RAP1GAP: variants seen among roughly 807,000 people sequenced by gnomAD.
RAP1GAP encodes the protein rap1 GTPase-activating protein 1.
Under a neutral mutation model 87.2 loss-of-function variants are expected in RAP1GAP, and 35 were observed. That is an observed-to-expected ratio of 0.40 (90% CI 0.31 to 0.53). The LOEUF is 0.53. Among genes scored for constraint, RAP1GAP ranks in the 20% least tolerant of loss-of-function variants. The pLI, the probability that RAP1GAP is intolerant of heterozygous loss-of-function variation, is 0.48. For synonymous variants in RAP1GAP, 375 were observed against 363.9 expected, an observed-to-expected ratio of 1.03 and a Z score of -0.35; for missense variants, 734 against 898.9, an observed-to-expected ratio of 0.82 and a Z score of 2.35.
chr1:21,600,487 C>T (rs1222349227), intron 20 of RAP1GAP, among the ~76,000 whole-genome samples: 2 of 152,198 alleles, frequency 1.3e-5, no homozygotes, highest in Non-Finnish European at 2.9e-5. Flanking sequence ...TGCTTCCATC[C>T]CACCCCACTC....
rs189390716 is a variant in RAP1GAP, at chr1:21,646,200, T to C, written c.-113+3561A>G. Reference sequence around the variant, plus strand: ...GTGCTCCATATATGGGAGAGACTGGTACCAATTCTGTCAAGAGGAAACATC... The same window carrying C: ...GTGCTCCATATATGGGAGAGACTGGCACCAATTCTGTCAAGAGGAAACATC... On this transcript the variant is annotated intron_variant, in intron 2 of 24. Transcript: ENST00000374765. Among the ~76,000 whole-genome samples, 12 of 152,312 alleles carry C rather than the reference T, an allele frequency of 7.9e-5. No individual in the cohort carries two copies. In the East Asian group the frequency reaches 1.9e-3, roughly 24 times the overall value.
intron 1 of RAP1GAP, among the ~76,000 whole-genome samples, chr1:21,654,758 G>T (rs927010230): frequency 6.6e-6 from 1 of 152,128 alleles, no homozygotes; most frequent in Non-Finnish European, 1.5e-5. Flanking sequence ...CTCAAGCCTG[G>T]GAGGTTGAGG....
rs574797133 is a variant in RAP1GAP, at chr1:21,606,011, G to C, written c.1428+55C>G. On this transcript the variant is annotated intron_variant, in intron 18 of 24. Coordinates refer to ENST00000374765, the MANE Select transcript of RAP1GAP (RefSeq NM_002885.4). ...GAGTCAGGCCTCAGGAGGCAGAGGA[G>C]AGCTGAGGGCCCCCCAGGGAGGGGC... The C allele has an allele frequency of 2.6e-6, 4 of 1,531,270 alleles. No homozygotes were observed. In the South Asian group the frequency reaches 4.8e-5, roughly 18 times the overall value. The allele number at this position is 1,531,270 out of a possible 1,614,324, so 94.9% of individuals were successfully genotyped here.
intron 2 of RAP1GAP, among the ~76,000 whole-genome samples, chr1:21,632,032 A>G (rs2093853160): frequency 1.3e-5 from 2 of 152,166 alleles, no homozygotes; most frequent in Admixed American, 6.5e-5. Flanking sequence ...GACACATGAA[A>G]TGGGAGCAGC....
chr1:21,663,410 G>A (rs565941706), intron 1 of RAP1GAP, among the ~76,000 whole-genome samples: 2 of 152,216 alleles, frequency 1.3e-5, no homozygotes, highest in Non-Finnish European at 2.9e-5. Flanking sequence ...CACAGGGGAA[G>A]ACGCAAGAGG....
chr1:21,664,330 TGGTTCCTCATTCCAGGCTAGTG>T (rs1292724782), intron 1 of RAP1GAP, among the ~76,000 whole-genome samples: 3 of 152,182 alleles, frequency 2.0e-5, no homozygotes, highest in Non-Finnish European at 4.4e-5. Context: ...CTACGCCAGG[TGGTTCCTCATTCCAGGCTAGTG>T]GGCTCAGCCT....
chr1:21,598,475 G>A lies in RAP1GAP; in HGVS notation c.1804C>T (p.His602Tyr), dbSNP rs1380640901. Residue 602 changes from histidine (H) to tyrosine (Y), a missense_variant, in exon 22 of 25, where the codon CAC (histidine) becomes TAC (tyrosine). Physicochemically the swap from His to Tyr is moderately conservative, Grantham distance 83. Around this residue, in one of 2 missense-constraint regions of RAP1GAP, gnomAD observed 249 missense variants for 252.7 expected, o/e 0.99. Coordinates refer to ENST00000374765, the MANE Select transcript of RAP1GAP (RefSeq NM_002885.4). The part of the protein sequence containing the change: ...LESVSSSGTP[H>Y]KRDSFIYSTW... ...CTATAGATGAAGGAGTCCCGCTTGT[G>A]GGGTGTTCCTGAGGATGACACGCTC... is the stretch of plus-strand genomic sequence containing the variant. 5 of 1,613,816 alleles carry A rather than the reference G, an allele frequency of 3.1e-6. No homozygotes were observed. Among genetic ancestry groups the A allele is most frequent in the African/African-American group, 1.3e-5 (1 of 74,906 alleles).
chr1:21,642,875 TACACACACACAC>T (rs61497285), intron 2 of RAP1GAP, among the ~76,000 whole-genome samples: 9 of 134,226 alleles, frequency 6.7e-5, no homozygotes, highest in South Asian at 2.6e-4. Flanking sequence ...CCTTCCCCAC[TACACACACACAC>T]ACACACACAC....
At position 21,641,064 on chromosome 1, in the gene RAP1GAP, C is replaced by T. The variant is rs929808087; in HGVS notation, c.-113+8697G>A. 2.8e-5 allele frequency among the ~76,000 whole-genome samples: 4 copies of T among 142,532 alleles called. No homozygotes were observed. In the East Asian group the frequency reaches 6.3e-4, roughly 22 times the overall value. The allele number at this position is 142,532 out of a possible 152,430, so 93.5% of individuals were successfully genotyped here. ...CTGGGATCACAGGCATGCACCACTA[C>T]GCCCAGCTAATTTTTTTTTTTTTTT... is the stretch of plus-strand genomic sequence containing the variant. On this transcript the variant is annotated intron_variant, in intron 2 of 24. Coordinates refer to ENST00000374765, the MANE Select transcript of RAP1GAP (RefSeq NM_002885.4).
At position 21,649,768 on chromosome 1, in the gene RAP1GAP, T is replaced by C; in HGVS notation, c.-120A>G. The C allele has an allele frequency of 6.4e-7, 1 of 1,552,164 alleles. No homozygotes were observed. The highest frequency in any genetic ancestry group is 8.7e-7 in the Non-Finnish European group (1 of 1,147,452). The stretch of plus-strand genomic sequence containing the variant: ...AGAGTCCCCAGTACTCACCACACAC[T>C]CCGGCGAGAAGTGAAGGACTTGTCC... On this transcript the variant is annotated 5_prime_UTR_variant, in exon 2 of 25. Coordinates refer to ENST00000374765, the MANE Select transcript of RAP1GAP (RefSeq NM_002885.4).
chr1:21,603,636 G>A lies in RAP1GAP; in HGVS notation c.1429-723C>T. On this transcript the variant is annotated intron_variant, in intron 18 of 24. Coordinates refer to ENST00000374765, the MANE Select transcript of RAP1GAP (RefSeq NM_002885.4). This position sits in a 1 kb window ranked among gnomAD's most constrained non-coding sequence, Gnocchi z 6.0. Reference sequence around the variant, plus strand: ...CAGGGCCAGAAGCCCCTGGTGAGGGGCACTGGCTCTGGCACAGGTACCAGG... The same window carrying A: ...CAGGGCCAGAAGCCCCTGGTGAGGGACACTGGCTCTGGCACAGGTACCAGG... 1 of 752,000 alleles carries A rather than the reference G, an allele frequency of 1.3e-6. No individual in the cohort carries two copies. Among genetic ancestry groups the A allele is most frequent in the Non-Finnish European group, 2.4e-6 (1 of 414,314 alleles). 46.6% of individuals were successfully genotyped at this position (752,000 alleles called of 1,614,324 possible). A position where few individuals can be genotyped will look rare whatever the true frequency, so the allele number is the denominator to read the frequency against.
chr1:21,667,615 G>C (rs939382652), intron 1 of RAP1GAP: 1 of 152,492 alleles, frequency 6.6e-6, no homozygotes, highest in Admixed American at 6.5e-5. Context: ...CAGCAAAGGG[G>C]AGCAGGTCCA....
Position 21,651,816 on chromosome 1 carries a change from C to T in RAP1GAP, c.-148-2020G>A, listed in dbSNP as rs759151051. 30 of 1,286,630 alleles carry T rather than the reference C, an allele frequency of 2.3e-5. No homozygotes were observed. In the South Asian group the frequency reaches 5.7e-4, roughly 25 times the overall value. 79.7% of individuals were successfully genotyped at this position (1,286,630 alleles called of 1,614,324 possible). On this transcript the variant is annotated intron_variant, in intron 1 of 24. Coordinates refer to ENST00000374765, the MANE Select transcript of RAP1GAP (RefSeq NM_002885.4). ...CCGAAGGTGAAGCTGCGCTTCCGGC[C>T]GCTCATGGTGCCGCCGCCGCCGCCC...
chr1:21,604,318 C>T (rs534002065), intron 18 of RAP1GAP, among the ~76,000 whole-genome samples: 52 of 145,418 alleles, frequency 3.6e-4, no homozygotes, highest in Non-Finnish European at 5.5e-4. Context: ...GTGAGAAGAG[C>T]GGAGAAGGGA....
rs191252235 is a variant in RAP1GAP at position 21,599,901 on chromosome 1, G to A, written c.1653-284C>T. Among the ~76,000 whole-genome samples the A allele has an allele frequency of 1.7e-4, 26 of 152,342 alleles. No individual in the cohort carries two copies. In the South Asian group the frequency reaches 4.3e-3, roughly 25 times the overall value. ...CCAGGTAAAGCACAATATCCTTGGCGTGGTGTTCAAAAACAGCAGCGGTTA... is the reference window on the plus strand; with the variant it reads ...CCAGGTAAAGCACAATATCCTTGGCATGGTGTTCAAAAACAGCAGCGGTTA... On this transcript the variant is annotated intron_variant, in intron 20 of 24. Coordinates refer to ENST00000374765, the MANE Select transcript of RAP1GAP (RefSeq NM_002885.4).
In RAP1GAP at chr1:21,622,631, G is replaced by A. The variant is rs2089327496; in HGVS notation, c.-18-2581C>T. The stretch of plus-strand genomic sequence containing the variant: ...GCACGGCGCGGGGCGGGGCGGGGCG[G>A]GGGCGCTGAAGCCACGCCCCCCGGG... On this transcript the variant is annotated intron_variant, in intron 3 of 24. Coordinates refer to ENST00000374765, the MANE Select transcript of RAP1GAP (RefSeq NM_002885.4). This position sits in a 1 kb window ranked among gnomAD's most constrained non-coding sequence, Gnocchi z 5.7. 1 of 146,910 alleles carries A rather than the reference G, an allele frequency of 6.8e-6. No homozygotes were observed. The highest frequency in any genetic ancestry group is 1.5e-5 in the Non-Finnish European group (1 of 66,000). 9.1% of individuals were successfully genotyped at this position (146,910 alleles called of 1,614,324 possible).
At chr1:21,607,996 C>T (rs1007992188) in intron 17 of RAP1GAP, among the ~76,000 whole-genome samples, 25 of 151,982 alleles carry the variant, frequency 1.6e-4, no homozygotes, top group African/African-American at 6.0e-4. Context: ...CGGGACTTCG[C>T]CCCAGCCACG....
intron 2 of RAP1GAP, 47 bp downstream of exon 2, chr1:21,649,714 G>T: frequency 1.3e-6 from 2 of 1,534,828 alleles, no homozygotes; most frequent in South Asian, 1.2e-5. Context: ...TATCTGCAGG[G>T]ACCAGCCAAG....
intron 10 of RAP1GAP, chr1:21,612,970 CCCT>C (rs2079349627): frequency 1.7e-6 from 1 of 603,814 alleles, no homozygotes; most frequent in Non-Finnish European, 3.0e-6. Flanking sequence ...TAAACGCAGG[CCCT>C]CCTATCTGCT....
Sources: allele counts gnomAD v4.1 joint callset (sites outside exome capture counted in the v4.1 genomes callset), GRCh38; gene constraint gnomAD v4.1.1; regional missense constraint gnomAD v4.1.1; non-coding constraint Gnocchi (gnomAD v3.1); transcripts MANE v1.5; gene names NCBI Gene and HGNC (gene_info 2026-07-23, HGNC 2026-07-21).